The following TLN2 variants were observed in gnomAD, a reference collection of about 807,000 sequenced individuals.
The protein encoded by TLN2 is talin 2.
TLN2 carries 118 observed loss-of-function variants against 294.7 expected under a neutral mutation model. The ratio of observed to expected loss-of-function variants is 0.40; its 90% CI spans 0.34 to 0.47. TLN2 has a LOEUF of 0.47. TLN2 is among the 20% of genes least tolerant of loss of function. TLN2 has a pLI of 0.84. For missense variants in TLN2, 3,083 were observed against 3,282.2 expected, an observed-to-expected ratio of 0.94 and a Z score of 1.48; for synonymous variants, 1,431 against 1,304.5, an observed-to-expected ratio of 1.10 and a Z score of -2.09.
At chr15:62,674,026 G>C (rs1302836456) in intron 10 of TLN2, 136 bp downstream of exon 10, 2 of 584,118 alleles carry the variant, frequency 3.4e-6, no homozygotes, top group Non-Finnish European at 5.9e-6. Context: ...TGACTCAAGA[G>C]TATAGAAGCT....
intron 1 of TLN2, among the ~76,000 whole-genome samples, chr15:62,391,813 G>A (rs972138784): frequency 6.6e-6 from 1 of 152,238 alleles, no homozygotes; most frequent in African/African-American, 2.4e-5. Flanking sequence ...GCCTGGACCC[G>A]GCCTTGGGGC....
At chr15:62,656,770 T>C (rs1440192554) in intron 8 of TLN2, among the ~76,000 whole-genome samples, 2 of 152,208 alleles carry the variant, frequency 1.3e-5, no homozygotes, top group Non-Finnish European at 2.9e-5. Context: ...CCTGTACTTG[T>C]CAATAAAGTT....
chr15:62,662,948 C>T (rs926260494), intron 9 of TLN2, among the ~76,000 whole-genome samples: 3 of 149,616 alleles, frequency 2.0e-5, no homozygotes, highest in East Asian at 2.0e-4. Flanking sequence ...CTCAGTCTCC[C>T]GAGTAACTGG....
intron 1 of TLN2, among the ~76,000 whole-genome samples, chr15:62,448,395 A>G (rs1403945811): frequency 6.6e-6 from 1 of 152,234 alleles, no homozygotes; most frequent in Non-Finnish European, 1.5e-5. Context: ...AGAAGGATCC[A>G]GGGAGGAAAG....
At chr15:62,735,955 G>A (rs117618575) in intron 28 of TLN2, among the ~76,000 whole-genome samples, 1,571 of 152,246 alleles carry the variant, frequency 0.01, 10 homozygotes, top group Non-Finnish European at 0.016. Context: ...ACAGCATTAT[G>A]GTCAGAGAAA....
intron 1 of TLN2, among the ~76,000 whole-genome samples, chr15:62,550,351 C>T (rs959225259): frequency 4.6e-5 from 7 of 152,054 alleles, no homozygotes; most frequent in African/African-American, 1.4e-4. Flanking sequence ...CTCATGCAGC[C>T]GAAAATTCAG....
At position 62,641,213 on chromosome 15, in the gene TLN2, A is replaced by G. The variant is rs961786849; in HGVS notation, c.-36-6062A>G. ...TGCCTGTTAGGTTATCTAGTACATAATAGATACAAAATAAACAATAAAATG... is the reference window on the plus strand; with the variant it reads ...TGCCTGTTAGGTTATCTAGTACATAGTAGATACAAAATAAACAATAAAATG... On this transcript the variant is annotated intron_variant, in intron 3 of 58. Transcript: ENST00000636159. 4.6e-5 allele frequency among the ~76,000 whole-genome samples: 7 copies of G among 152,300 alleles called. No individual in the cohort carries two copies. The East Asian group carries it at 1.4e-3, about 29-fold the overall frequency.
At chr15:62,816,452 A>G (rs913546794) in intron 52 of TLN2, among the ~76,000 whole-genome samples, 1 of 152,218 alleles carries the variant, frequency 6.6e-6, no homozygotes, top group African/African-American at 2.4e-5. Context: ...ATCAGAAATC[A>G]TGTTGACTTA....
chr15:62,430,950 A>C (rs535206786), intron 1 of TLN2, among the ~76,000 whole-genome samples: 1 of 144,200 alleles, frequency 6.9e-6, no homozygotes, highest in African/African-American at 2.5e-5. Context: ...AAAAAAATAC[A>C]CAAAAACACC....
intron 25 of TLN2, among the ~76,000 whole-genome samples, chr15:62,721,859 A>G (rs891677612): frequency 3.9e-5 from 6 of 152,236 alleles, no homozygotes; most frequent in African/African-American, 1.4e-4. Flanking sequence ...GATAGAGTGA[A>G]CAGTGTGATC....
chr15:62,634,046 C>T (rs543083610), intron 3 of TLN2, among the ~76,000 whole-genome samples: 3 of 152,160 alleles, frequency 2.0e-5, no homozygotes, highest in African/African-American at 4.8e-5. Flanking sequence ...CTCTAATGAC[C>T]TCATTTTAAC....
Position 62,698,829 on chromosome 15 carries a change from A to G in TLN2, c.1549A>G (p.Ser517Gly). 6.2e-7 allele frequency: 1 copy of G among 1,612,868 alleles called. No homozygotes were observed. The highest frequency in any genetic ancestry group is 8.5e-7 in the Non-Finnish European group (1 of 1,179,846). Residue 517 changes from serine (S) to glycine (G), a missense_variant, in exon 16 of 59, where the codon AGT becomes GGT. By Grantham distance (56) the Ser-to-Gly change is moderately conservative. Transcript: ENST00000636159. ...HAVQQAQDDL[S>G]ELDSLPPLGQ... ...CGTCCAGCAGGCCCAGGATGATCTC[A>G]GTGAGCTCGACTCGCTGCCACCTCT...
At position 62,702,496 on chromosome 15, in the gene TLN2, C is replaced by T. The variant is rs773305100; in HGVS notation, c.1906-270C>T. Among the ~76,000 whole-genome samples, 27 of 152,352 alleles carry T rather than the reference C, an allele frequency of 1.8e-4. 1 individual carries two copies. Among genetic ancestry groups the T allele is most frequent in the South Asian group, 6.2e-4 (3 of 4,828 alleles). On this transcript the variant is annotated intron_variant, in intron 18 of 58. Transcript: ENST00000636159. ...GGAATAGAAGTTTGCACCCTAATTTCCACAGAATGCATCACCTTCTTACCA... is the reference window on the plus strand; with the variant it reads ...GGAATAGAAGTTTGCACCCTAATTTTCACAGAATGCATCACCTTCTTACCA...
intron 1 of TLN2, among the ~76,000 whole-genome samples, chr15:62,492,180 G>A (rs146424540): frequency 0.011 from 1,725 of 152,148 alleles, 30 homozygotes; most frequent in African/African-American, 0.04. Context: ...GGCCGGACGC[G>A]GTGGCTCACG....
chr15:62,513,934 G>A (rs1229934361), intron 1 of TLN2, among the ~76,000 whole-genome samples: 1 of 152,194 alleles, frequency 6.6e-6, no homozygotes, highest in Non-Finnish European at 1.5e-5. Flanking sequence ...TTAGTCTAGG[G>A]CGGAGAATAT....
chr15:62,710,057 G>A (rs1161372380), intron 21 of TLN2, among the ~76,000 whole-genome samples: 2 of 152,098 alleles, frequency 1.3e-5, no homozygotes, highest in African/African-American at 4.8e-5. Flanking sequence ...ATGTCCACCT[G>A]TATGTTAATC....
chr15:62,428,264 A>T (rs1316726669), intron 1 of TLN2, among the ~76,000 whole-genome samples: 1 of 152,220 alleles, frequency 6.6e-6, no homozygotes, highest in Non-Finnish European at 1.5e-5. Flanking sequence ...GTGTTTTGCC[A>T]TGGTGGCCTT....
intron 32 of TLN2, among the ~76,000 whole-genome samples, chr15:62,741,748 C>CGTGTGTGTGTGTGTGTGT (rs1555495658): frequency 8.5e-4 from 112 of 131,156 alleles, no homozygotes; most frequent in African/African-American, 2.1e-3. Flanking sequence ...AAAATTTGCG[C>CGTGTGTGTGTGTGTGTGT]GTGTGTGTGT....
intron 1 of TLN2, among the ~76,000 whole-genome samples, chr15:62,522,481 G>C (rs909137113): frequency 6.6e-6 from 1 of 152,196 alleles, no homozygotes; most frequent in Non-Finnish European, 1.5e-5. Flanking sequence ...CATATGGATA[G>C]GTCTGTGCTG....
Sources: allele counts gnomAD v4.1 joint callset (sites outside exome capture counted in the v4.1 genomes callset), GRCh38; gene constraint gnomAD v4.1.1; transcripts MANE v1.5; gene names NCBI Gene and HGNC (gene_info 2026-07-23, HGNC 2026-07-21).